Variants in TMEM232 observed in about 807,000 individuals in gnomAD.
TMEM232 encodes transmembrane protein 232.
TMEM232 carries 80 observed loss-of-function variants against 78.8 expected under a neutral mutation model. That is an observed-to-expected ratio of 1.01 (90% CI 0.85 to 1.22). The LOEUF (loss-of-function observed/expected upper bound fraction) is 1.22. Ranked by LOEUF, TMEM232 falls within the 50% of genes most tolerant of loss-of-function variation. The probability of loss-of-function intolerance (pLI) is 0.00; values close to 1 mark genes in which losing one functional copy is unlikely to be tolerated. For synonymous variants in TMEM232, 297 were observed against 254.3 expected (o/e 1.17, Z -1.60); for missense variants, 881 against 742.2 (o/e 1.19, Z -2.17).
chr5:110,495,818 G>GT (rs911189233), intron 12 of TMEM232, among the ~76,000 whole-genome samples: 64 of 149,862 alleles, frequency 4.3e-4, no homozygotes, highest in African/African-American at 9.8e-4. Context: ...TGATCTTCTG[G>GT]TTTTTTTTTA....
chr5:110,427,849 TTTTA>T (rs1280203102), intron 12 of TMEM232, among the ~76,000 whole-genome samples: 1 of 151,844 alleles, frequency 6.6e-6, no homozygotes, highest in African/African-American at 2.4e-5. Flanking sequence ...ATTTTTTGTT[TTTTA>T]TTTTTTTGGG....
intron 11 of TMEM232, among the ~76,000 whole-genome samples, chr5:110,536,741 A>G (rs900934665): frequency 6.6e-6 from 1 of 152,150 alleles, no homozygotes; most frequent in African/African-American, 2.4e-5. Context: ...AAAAAGAGGG[A>G]TGGGATGTTT....
chr5:110,424,853 A>T lies in TMEM232; in HGVS notation c.1767T>A (p.Asp589Glu), dbSNP rs2112636416. The T allele has an allele frequency of 6.5e-7, 1 of 1,550,220 alleles. No homozygotes were observed. The highest frequency in any genetic ancestry group is 1.2e-5 in the South Asian group (1 of 83,860). ...FPYPDFFTKA[D>E]KELAKIIDHH... ...GGTCAATGATTTTTGCCAACTCTTT[A>T]TCTGCCTTGGTGAAGAAATCTGGAT... is the stretch of plus-strand genomic sequence containing the variant. The change falls in exon 13 of 14, where the codon GAT (aspartate) becomes GAA (glutamate). Residue 589 changes from aspartate (D) to glutamate (E), a missense_variant. Asp to Glu is a conservative substitution (Grantham distance 45). Transcript: ENST00000455884.
chr5:110,599,138 T>A (rs536208687), intron 10 of TMEM232, among the ~76,000 whole-genome samples: 3 of 152,102 alleles, frequency 2.0e-5, no homozygotes, highest in African/African-American at 7.2e-5. Flanking sequence ...TTTGTCACCA[T>A]CAGGCCTGCC....
At chr5:110,580,690 TA>T (rs1215350495) in intron 10 of TMEM232, among the ~76,000 whole-genome samples, 1 of 151,280 alleles carries the variant, frequency 6.6e-6, no homozygotes, top group East Asian at 1.9e-4. Flanking sequence ...AAAGACTAAA[TA>T]GACCTAAAAG....
At chr5:110,732,294 C>T (rs895039682) in intron 2 of TMEM232, among the ~76,000 whole-genome samples, 1 of 152,216 alleles carries the variant, frequency 6.6e-6, no homozygotes, top group African/African-American at 2.4e-5. Flanking sequence ...ACTATTCCAA[C>T]TTCTGCCTAT....
chr5:110,611,595 C>A (rs1196838566), intron 8 of TMEM232, among the ~76,000 whole-genome samples: 1 of 152,062 alleles, frequency 6.6e-6, no homozygotes, highest in South Asian at 2.1e-4. Context: ...ATCTTTCAGT[C>A]ATCATTTTTG....
Position 110,545,371 on chromosome 5 carries a change from T to C in TMEM232, c.1456-16536A>G, listed in dbSNP as rs7711549. Among the ~76,000 whole-genome samples, 1,495 of 152,148 alleles carry C rather than the reference T, an allele frequency of 9.8e-3. 26 individuals carry two copies. The highest frequency in any genetic ancestry group is 0.034 in the African/African-American group (1,419 of 41,546). Reference sequence around the variant, plus strand: ...TGTATATAACAGATACTTTGTACAGTGCCTGGTGCATGATAAAGGCACTAC... The same window carrying C: ...TGTATATAACAGATACTTTGTACAGCGCCTGGTGCATGATAAAGGCACTAC... On this transcript the variant is annotated intron_variant, in intron 11 of 13. Transcript: ENST00000455884.
upstream of TMEM232, among the ~76,000 whole-genome samples, chr5:110,728,198 TAAGG>T (rs1798341001): frequency 1.3e-5 from 2 of 151,856 alleles, no homozygotes; most frequent in African/African-American, 2.4e-5. Flanking sequence ...CAAGTTTATA[TAAGG>T]AAGAATTCAC....
intron 1 of TMEM232, among the ~76,000 whole-genome samples, chr5:110,688,762 T>A (rs1246295789): frequency 6.6e-6 from 1 of 152,150 alleles, no homozygotes; most frequent in Admixed American, 6.5e-5. Context: ...GGGAACTGGG[T>A]CACACAAACC....
intron 12 of TMEM232, among the ~76,000 whole-genome samples, chr5:110,477,879 T>C (rs2149388874): frequency 6.6e-6 from 1 of 152,060 alleles, no homozygotes; most frequent in African/African-American, 2.4e-5. Flanking sequence ...GCCTTTGGCT[T>C]GGTATTTTAT....
chr5:110,518,893 A>C (rs1487314296), intron 12 of TMEM232, among the ~76,000 whole-genome samples: 1 of 152,198 alleles, frequency 6.6e-6, no homozygotes, highest in Non-Finnish European at 1.5e-5. Context: ...ACTCATATAA[A>C]TAAGCACAAA....
At chr5:110,629,571 C>G (rs919071592) in intron 5 of TMEM232, among the ~76,000 whole-genome samples, 2 of 151,996 alleles carry the variant, frequency 1.3e-5, no homozygotes, top group African/African-American at 4.8e-5. Context: ...TTCTGCTTGT[C>G]AGTTTCTCTT....
At chr5:110,393,822 T>C (rs1256516863) in intron 3 of TMEM232, among the ~76,000 whole-genome samples, 1 of 151,560 alleles carries the variant, frequency 6.6e-6, no homozygotes, top group East Asian at 2.0e-4. Context: ...CCAGGCATGG[T>C]AGGCGGGCAC....
At chr5:110,632,705 C>A (rs895767859) in intron 5 of TMEM232, among the ~76,000 whole-genome samples, 2 of 150,946 alleles carry the variant, frequency 1.3e-5, no homozygotes, top group African/African-American at 4.9e-5. Context: ...TGGAGAAAAA[C>A]AAAGAAAAAG....
intron 2 of TMEM232, among the ~76,000 whole-genome samples, chr5:110,402,374 C>A (rs1028462829): frequency 2.0e-4 from 30 of 152,062 alleles, no homozygotes; most frequent in African/African-American, 7.0e-4. Flanking sequence ...GGACTTCAAT[C>A]AAAATATTAA....
At chr5:110,421,418 T>A (rs311693) in intron 13 of TMEM232, among the ~76,000 whole-genome samples, 49,090 of 150,060 alleles carry the variant, frequency 0.33, 13,964 homozygotes, top group African/African-American at 0.76. Context: ...TCATGAAAAA[T>A]ATATATATAT....
At chr5:110,488,462 T>C (rs1333057592) in intron 12 of TMEM232, among the ~76,000 whole-genome samples, 1 of 152,052 alleles carries the variant, frequency 6.6e-6, no homozygotes, top group African/African-American at 2.4e-5. Flanking sequence ...AATTAAGCAA[T>C]ACTTTACTAA....
chr5:110,558,554 G>A (rs1330098415), intron 11 of TMEM232, among the ~76,000 whole-genome samples: 1 of 152,094 alleles, frequency 6.6e-6, no homozygotes, highest in Non-Finnish European at 1.5e-5. Context: ...AGTGTGGTAA[G>A]GCAGGGACCT....
Sources: allele counts gnomAD v4.1 joint callset (sites outside exome capture counted in the v4.1 genomes callset), GRCh38; gene constraint gnomAD v4.1.1; transcripts MANE v1.5; gene names NCBI Gene and HGNC (gene_info 2026-07-23, HGNC 2026-07-21).